The following PAK5 variants were observed in gnomAD, a reference collection of about 807,000 sequenced individuals.
PAK5 encodes serine/threonine-protein kinase PAK 5.
A neutral mutation model predicts 65.9 loss-of-function variants in PAK5; 16 were observed. That is an observed-to-expected ratio of 0.24 (90% CI 0.16 to 0.37). PAK5 has a LOEUF of 0.37. Ranked by LOEUF, PAK5 falls within the 10% of genes least tolerant of loss-of-function variation. PAK5 has a pLI of 1.00. For missense variants in PAK5, 785 were observed against 903.9 expected, an observed-to-expected ratio of 0.87 and a Z score of 1.69; for synonymous variants, 371 against 354.9, an observed-to-expected ratio of 1.05 and a Z score of -0.51.
At chr20:9,829,516 G>A (rs1416396727) in intron 1 of PAK5, among the ~76,000 whole-genome samples, 3 of 152,074 alleles carry the variant, frequency 2.0e-5, no homozygotes, top group African/African-American at 7.2e-5. Flanking sequence ...TTGGATGTGG[G>A]CTTAACACAT....
chr20:9,765,436 A>AGCCTCCATTTTTTTTTTC (rs1178378103), intron 1 of PAK5, among the ~76,000 whole-genome samples: 1 of 152,052 alleles, frequency 6.6e-6, no homozygotes, highest in Non-Finnish European at 1.5e-5. Context: ...ATCCCTCCCT[A>AGCCTCCATTTTTTTTTTC]GCCTCCATTT....
chr20:9,735,198 A>G (rs2048375540), intron 1 of PAK5, among the ~76,000 whole-genome samples: 1 of 152,188 alleles, frequency 6.6e-6, no homozygotes, highest in South Asian at 2.1e-4. Flanking sequence ...AGTTTTGTTG[A>G]CTGAGCTAAG....
chr20:9,702,454 C>T (rs1009340661), intron 2 of PAK5, among the ~76,000 whole-genome samples: 7 of 152,188 alleles, frequency 4.6e-5, no homozygotes, highest in South Asian at 2.1e-4. Context: ...TTTACTGTAC[C>T]GATTGTACAT....
rs769440190 is a variant in PAK5, at chr20:9,759,468, G to T, written c.-161-48033C>A. Among the ~76,000 whole-genome samples the T allele has an allele frequency of 1.3e-3, 192 of 152,162 alleles. 2 individuals carry two copies. Among genetic ancestry groups the T allele is most frequent in the Non-Finnish European group, 2.2e-3 (151 of 67,996 alleles). On this transcript the variant is annotated intron_variant, in intron 1 of 9. Transcript: ENST00000353224. ...ACACCTATGGGAAATCTAAAATTGT[G>T]ATATTTCACAGAATTTAAGGGAGAG...
Position 9,766,308 on chromosome 20 carries a change from A to AAT in PAK5, c.-161-54875_-161-54874dup, listed in dbSNP as rs1393189769. On this transcript the variant is annotated intron_variant, in intron 1 of 9. Transcript: ENST00000353224. ...ATTGAATATATATATATTCTACTTG[A>AAT]ATATATATATATTCTACTTACTTGA... Among the ~76,000 whole-genome samples, 11 of 142,950 alleles carry AAT rather than the reference A, an allele frequency of 7.7e-5. 3 individuals carry two copies. The highest frequency in any genetic ancestry group is 2.5e-4 in the African/African-American group (10 of 39,726). The allele number at this position is 142,950 out of a possible 152,430, so 93.8% of individuals were successfully genotyped here.
chr20:9,566,299 T>C lies in PAK5; in HGVS notation c.1076A>G (p.Gln359Arg). 6.2e-7 allele frequency: 1 copy of C among 1,613,806 alleles called. No homozygotes were observed. Among genetic ancestry groups the C allele is most frequent in the Non-Finnish European group, 8.5e-7 (1 of 1,179,980 alleles). The change falls in exon 5 of 10, where the codon CAA (glutamine) becomes CGA (arginine). Residue 359 changes from glutamine (Q) to arginine (R), a missense_variant. Gln to Arg is a conservative substitution (Grantham distance 43). This residue lies in a region of PAK5 where 422 missense variants were observed against 413.3 expected (regional missense o/e 1.02). Transcript: ENST00000353224. Reference sequence around the variant, plus strand: ...GGAATAGCCCGATTTGCTTTGACTTTGAGGTAGTTTGGCAGGGCCCCTGGG... The same window carrying C: ...GGAATAGCCCGATTTGCTTTGACTTCGAGGTAGTTTGGCAGGGCCCCTGGG... ...TYPRGPAKLP[Q>R]SQSKSGYSSS...
At position 9,806,565 on chromosome 20, in the gene PAK5, TC is replaced by T. The variant is rs1250697820; in HGVS notation, c.-162+32196del. ...TAGAGCTCTGTCACTGTGTGGGCTT[TC>T]CCATCGAAAATGAGTTTGTCCTGCA... On this transcript the variant is annotated intron_variant, in intron 1 of 9. Coordinates refer to ENST00000353224, the MANE Select transcript of PAK5 (RefSeq NM_177990.4). Among the ~76,000 whole-genome samples the T allele has an allele frequency of 2.6e-5, 4 of 152,264 alleles. No homozygotes were observed. In the East Asian group the frequency reaches 7.7e-4, roughly 29 times the overall value.
At chr20:9,717,674 C>A (rs974254040) in intron 1 of PAK5, among the ~76,000 whole-genome samples, 1 of 152,224 alleles carries the variant, frequency 6.6e-6, no homozygotes, top group Non-Finnish European at 1.5e-5. Flanking sequence ...GGCTGGAGTG[C>A]AGTGGCACCA....
chr20:9,797,099 G>A (rs1047114552), intron 1 of PAK5, among the ~76,000 whole-genome samples: 44 of 151,438 alleles, frequency 2.9e-4, no homozygotes, highest in Non-Finnish European at 5.5e-4. Context: ...GTGTGAGATG[G>A]TATCTCATTG....
At chr20:9,682,582 T>TGA (rs2047665272) in intron 2 of PAK5, among the ~76,000 whole-genome samples, 1 of 152,172 alleles carries the variant, frequency 6.6e-6, no homozygotes, top group African/African-American at 2.4e-5. Flanking sequence ...ATGGTTTTAT[T>TGA]GGTCTGGGGA....
At chr20:9,815,336 T>C (rs754793528) in intron 1 of PAK5, among the ~76,000 whole-genome samples, 3 of 152,144 alleles carry the variant, frequency 2.0e-5, no homozygotes, top group Non-Finnish European at 2.9e-5. Flanking sequence ...CCTGCCATCA[T>C]TCCTCAGGAA....
intron 1 of PAK5, among the ~76,000 whole-genome samples, chr20:9,728,421 A>G (rs2048300122): frequency 6.6e-6 from 1 of 152,198 alleles, no homozygotes; most frequent in Non-Finnish European, 1.5e-5. Context: ...TCTCAGAGTT[A>G]GGAAATATAC....
Position 9,789,724 on chromosome 20 carries a change from C to A in PAK5, c.-162+49038G>T, listed in dbSNP as rs114885396. On this transcript the variant is annotated intron_variant, in intron 1 of 9. Coordinates refer to ENST00000353224, the MANE Select transcript of PAK5 (RefSeq NM_177990.4). ...GAAAGACCAGGAGTTTGGGGGCAGA[C>A]AAACTGTCTCCTGAATTTCTTGCTG... is the stretch of plus-strand genomic sequence containing the variant. Among the ~76,000 whole-genome samples, 441 of 152,212 alleles carry A rather than the reference C, an allele frequency of 2.9e-3. 3 individuals carry two copies. Among genetic ancestry groups the A allele is most frequent in the African/African-American group, 9.9e-3 (412 of 41,550 alleles).
rs34591396 is a variant in PAK5, at chr20:9,838,205, G to GCACACACACACA, written c.-162+545_-162+556dup. Among the ~76,000 whole-genome samples, 1 of 150,482 alleles carries GCACACACACACA rather than the reference G, an allele frequency of 6.6e-6. No homozygotes were observed. Among genetic ancestry groups the GCACACACACACA allele is most frequent in the Non-Finnish European group, 1.5e-5 (1 of 67,626 alleles). On this transcript the variant is annotated intron_variant, in intron 1 of 9. Coordinates refer to ENST00000353224, the MANE Select transcript of PAK5 (RefSeq NM_177990.4). The surrounding 1 kb of genome is among the most constrained non-coding windows in gnomAD (Gnocchi z 4.5). ...GGCGCGCGCGCACACACACACGCGC[G>GCACACACACACA]CACACACACACACACACAAATAACA...
At chr20:9,573,702 G>A (rs915179169) in intron 4 of PAK5, among the ~76,000 whole-genome samples, 1 of 152,188 alleles carries the variant, frequency 6.6e-6, no homozygotes, top group African/African-American at 2.4e-5. Flanking sequence ...TGGCACTGTG[G>A]CCTTCTGTTC....
intron 1 of PAK5, among the ~76,000 whole-genome samples, chr20:9,731,986 A>C (rs548384418): frequency 2.6e-5 from 4 of 152,204 alleles, no homozygotes; most frequent in Non-Finnish European, 5.9e-5. Flanking sequence ...TGAAAGTATT[A>C]GTCTTTAAAA....
chr20:9,695,346 T>C (rs373606019), intron 2 of PAK5, among the ~76,000 whole-genome samples: 1 of 152,118 alleles, frequency 6.6e-6, no homozygotes, highest in Non-Finnish European at 1.5e-5. Context: ...ATGTATTTGA[T>C]GAATACTTGT....
intron 1 of PAK5, among the ~76,000 whole-genome samples, chr20:9,816,941 C>A (rs372540583): frequency 6.6e-6 from 1 of 151,968 alleles, no homozygotes; most frequent in African/African-American, 2.4e-5. Flanking sequence ...ACTGCTGAGA[C>A]CTGGTATTTA....
At chr20:9,832,652 A>T (rs952650719) in intron 1 of PAK5, among the ~76,000 whole-genome samples, 5 of 152,092 alleles carry the variant, frequency 3.3e-5, no homozygotes, top group African/African-American at 1.2e-4. Context: ...AATGAAAGAG[A>T]TTGTCCTTCT....
Sources: gnomAD v4.1 joint callset for allele counts (sites outside exome capture counted in the v4.1 genomes callset) on GRCh38, gnomAD v4.1.1 for gene constraint, gnomAD v4.1.1 regional missense constraint, Gnocchi (gnomAD v3.1) non-coding constraint, MANE v1.5 for transcripts, NCBI Gene and HGNC (gene_info 2026-07-23, HGNC 2026-07-21) for gene names.